The following GRM7 variants were observed in gnomAD, a reference collection of about 807,000 sequenced individuals.
GRM7 encodes metabotropic glutamate receptor 7.
Under a neutral mutation model 84.5 loss-of-function variants are expected in GRM7, and 35 were observed. That is an observed-to-expected ratio of 0.41 (90% confidence interval 0.32 to 0.55). The LOEUF is 0.55. Ranked by LOEUF, GRM7 falls within the 20% of genes least tolerant of loss-of-function variation. GRM7 has a pLI of 0.19. For synonymous variants in GRM7, 487 were observed against 455.1 expected (o/e 1.07, Z -0.89); for missense variants, 1,003 against 1,194.6 (o/e 0.84, Z 2.36).
intron 9 of GRM7, among the ~76,000 whole-genome samples, chr3:7,729,938 G>A (rs1559509692): frequency 3.8e-5 from 5 of 131,882 alleles, no homozygotes; most frequent in Admixed American, 9.2e-5. Flanking sequence ...ACAGTGGCAC[G>A]ATCTCAGCTC....
chr3:7,081,835 C>T (rs986382181), intron 1 of GRM7, among the ~76,000 whole-genome samples: 1 of 152,142 alleles, frequency 6.6e-6, no homozygotes, highest in African/African-American at 2.4e-5. Context: ...TCCAACCAGC[C>T]ACAACACTCC....
chr3:7,553,067 AGTCAC>A (rs1417557331), intron 7 of GRM7, among the ~76,000 whole-genome samples: 1 of 152,200 alleles, frequency 6.6e-6, no homozygotes, highest in East Asian at 1.9e-4. Flanking sequence ...AGCGCACCCA[AGTCAC>A]GTCTTGAATG....
intron 4 of GRM7, among the ~76,000 whole-genome samples, chr3:7,392,068 C>G (rs755324433): frequency 1.3e-5 from 2 of 152,156 alleles, no homozygotes; most frequent in Non-Finnish European, 2.9e-5. Flanking sequence ...CCCAAGAGGG[C>G]CTTTGGCAGA....
intron 8 of GRM7, among the ~76,000 whole-genome samples, chr3:7,650,524 T>A (rs1698883487): frequency 6.6e-6 from 1 of 152,232 alleles, no homozygotes; most frequent in African/African-American, 2.4e-5. Flanking sequence ...GTGTTGTTTT[T>A]GTTTTTTAAT....
intron 1 of GRM7, among the ~76,000 whole-genome samples, chr3:6,969,539 C>G (rs1276475755): frequency 6.6e-6 from 1 of 152,158 alleles, no homozygotes; most frequent in Admixed American, 6.5e-5. Context: ...ATATTTAGGG[C>G]ACTATAAAGA....
At chr3:7,226,790 T>C (rs1194066602) in intron 2 of GRM7, among the ~76,000 whole-genome samples, 1 of 152,228 alleles carries the variant, frequency 6.6e-6, no homozygotes, top group African/African-American at 2.4e-5. Flanking sequence ...AATGTACTCA[T>C]GCTGTGTTAC....
chr3:7,593,478 A>C (rs1695890146), intron 8 of GRM7, among the ~76,000 whole-genome samples: 1 of 152,224 alleles, frequency 6.6e-6, no homozygotes, highest in Non-Finnish European at 1.5e-5. Flanking sequence ...CAAATAGAAA[A>C]TGACAAGAAG....
chr3:7,089,912 G>A (rs997013960), intron 1 of GRM7, among the ~76,000 whole-genome samples: 3 of 151,940 alleles, frequency 2.0e-5, no homozygotes, highest in Admixed American at 1.3e-4. Context: ...GCATGATCTC[G>A]GCTCACTGCA....
At position 7,077,016 on chromosome 3, in the gene GRM7, C is replaced by T. The variant is rs6766792; in HGVS notation, c.520-69436C>T. ...ATTAGAGAAATGCAAATCAAAACCA[C>T]GGTGAGATACCATCTCATGCCAGTT... On this transcript the variant is annotated intron_variant, in intron 1 of 9. Transcript: ENST00000357716. Among the ~76,000 whole-genome samples the T allele has an allele frequency of 4.3e-4, 65 of 152,268 alleles. 1 individual carries two copies. In the South Asian group the frequency reaches 5.0e-3, roughly 12 times the overall value.
intron 5 of GRM7, among the ~76,000 whole-genome samples, chr3:7,428,518 A>T (rs1296007546): frequency 6.6e-6 from 1 of 152,180 alleles, no homozygotes; most frequent in Non-Finnish European, 1.5e-5. Context: ...GTGTACATTC[A>T]TGAGTGCTTA....
At chr3:7,362,936 C>T (rs193012985) in intron 4 of GRM7, among the ~76,000 whole-genome samples, 1 of 152,048 alleles carries the variant, frequency 6.6e-6, no homozygotes, top group East Asian at 1.9e-4. Flanking sequence ...GGCAACATAG[C>T]AAGACCTCAT....
intron 1 of GRM7, among the ~76,000 whole-genome samples, chr3:7,121,602 A>G (rs1322089354): frequency 7.2e-5 from 11 of 152,116 alleles, no homozygotes; most frequent in Admixed American, 7.2e-4. Context: ...ATTCTTTTCT[A>G]TCTCCCTCTT....
chr3:7,726,567 C>G (rs1464287720), intron 9 of GRM7, among the ~76,000 whole-genome samples: 1 of 139,604 alleles, frequency 7.2e-6, no homozygotes, highest in Non-Finnish European at 1.5e-5. Context: ...GTAATCACCA[C>G]TCACTAACAT....
At chr3:7,089,707 A>T (rs1354644211) in intron 1 of GRM7, among the ~76,000 whole-genome samples, 1 of 152,210 alleles carries the variant, frequency 6.6e-6, no homozygotes, top group Non-Finnish European at 1.5e-5. Flanking sequence ...TGACAACCTT[A>T]CATTTTTAGT....
intron 2 of GRM7, among the ~76,000 whole-genome samples, chr3:7,219,600 T>C (rs1364866931): frequency 6.6e-6 from 1 of 152,192 alleles, no homozygotes; most frequent in Non-Finnish European, 1.5e-5. Flanking sequence ...TAATATGAGC[T>C]CAAGTTCAGT....
At chr3:7,209,807 T>G (rs1318628883) in intron 2 of GRM7, among the ~76,000 whole-genome samples, 1 of 152,088 alleles carries the variant, frequency 6.6e-6, no homozygotes, top group Non-Finnish European at 1.5e-5. Context: ...ATGAGGTGGG[T>G]AGAAGTAGAG....
chr3:7,705,591 A>G (rs1393716482), intron 9 of GRM7, among the ~76,000 whole-genome samples: 5 of 152,214 alleles, frequency 3.3e-5, no homozygotes, highest in Non-Finnish European at 5.9e-5. Context: ...GTTTGTGTGA[A>G]CAATGTGTAG....
At chr3:7,072,970 AAT>A in intron 1 of GRM7, among the ~76,000 whole-genome samples, 1 of 152,238 alleles carries the variant, frequency 6.6e-6, no homozygotes, top group East Asian at 1.9e-4. Context: ...TTTTGTGGAC[AAT>A]CTGTAAGGAT....
chr3:7,601,216 G>C (rs1426343813), intron 8 of GRM7, among the ~76,000 whole-genome samples: 1 of 152,128 alleles, frequency 6.6e-6, no homozygotes, highest in African/African-American at 2.4e-5. Context: ...AAAGCATTTT[G>C]ATTACTGTCA....
Sources: gnomAD v4.1 joint callset for allele counts (sites outside exome capture counted in the v4.1 genomes callset) on GRCh38, gnomAD v4.1.1 for gene constraint, MANE v1.5 for transcripts, NCBI Gene and HGNC (gene_info 2026-07-23, HGNC 2026-07-21) for gene names.